HELZ: variants seen among roughly 807,000 people sequenced by gnomAD.
HELZ encodes helicase with zinc finger.
HELZ carries 23 observed loss-of-function variants against 218.2 expected under a neutral mutation model. The ratio of observed to expected loss-of-function variants is 0.11; its 90% confidence interval spans 0.08 to 0.15. The LOEUF (loss-of-function observed/expected upper bound fraction) is 0.15. HELZ is among the 10% of genes least tolerant of loss of function. The pLI is 1.00. For missense variants in HELZ, 1,813 were observed against 2,353.7 expected (o/e 0.77, Z 4.75); for synonymous variants, 814 against 829.4 (o/e 0.98, Z 0.32).
rs1012138084 is a variant in HELZ, at chr17:67,167,446, G to T, written c.1764+17C>A. 3 of 1,570,960 alleles carry T rather than the reference G, an allele frequency of 1.9e-6. No homozygotes were observed. Among genetic ancestry groups the T allele is most frequent in the Non-Finnish European group, 1.7e-6 (2 of 1,143,400 alleles). On this transcript the variant is annotated intron_variant, in intron 14 of 32. Transcript: ENST00000358691. ...GGCTACAGACCACTATGGTTAAGCT[G>T]CAACCTTCAAACATACCTGTGTGTC...
intron 12 of HELZ, among the ~76,000 whole-genome samples, chr17:67,185,322 T>A (rs1598389181): frequency 6.6e-6 from 1 of 152,204 alleles, no homozygotes; most frequent in East Asian, 1.9e-4. Flanking sequence ...AAACACTAAC[T>A]GTAATAGTAC....
In HELZ at chr17:67,076,389, GA is replaced by G. The variant is rs1348273612; in HGVS notation, c.*1862del. 1 of 152,206 alleles carries G rather than the reference GA, an allele frequency of 6.6e-6. No homozygotes were observed. Among genetic ancestry groups the G allele is most frequent in the East Asian group, 1.9e-4 (1 of 5,202 alleles). 9.4% of individuals were successfully genotyped at this position (152,206 alleles called of 1,614,324 possible). A position where few individuals can be genotyped will look rare whatever the true frequency, so the allele number is the denominator to read the frequency against. Reference sequence around the variant, plus strand: ...ATGTGGTGATCTGACATCATACAGAGAAAGAGTGGTGCTGTAACTTGCCGGC... The same window carrying G: ...ATGTGGTGATCTGACATCATACAGAGAAGAGTGGTGCTGTAACTTGCCGGC... On this transcript the variant is annotated 3_prime_UTR_variant, in exon 33 of 33. Transcript: ENST00000358691.
intron 13 of HELZ, chr17:67,173,049 G>T (rs1310615962): frequency 2.0e-6 from 2 of 982,824 alleles, no homozygotes; most frequent in East Asian, 1.1e-4. Context: ...GTTGTGTCTT[G>T]CAACAAAATT....
At chr17:67,158,832 T>C (rs1199496740) in intron 17 of HELZ, among the ~76,000 whole-genome samples, 1 of 152,146 alleles carries the variant, frequency 6.6e-6, no homozygotes, top group African/African-American at 2.4e-5. Flanking sequence ...AAAAATAATT[T>C]TACATGGAAA....
rs1289629714 is a variant in HELZ, at chr17:67,072,833, T to C, written c.*5419A>G. 1 of 152,254 alleles carries C rather than the reference T, an allele frequency of 6.6e-6. No homozygotes were observed. Among genetic ancestry groups the C allele is most frequent in the Non-Finnish European group, 1.5e-5 (1 of 68,050 alleles). 9.4% of individuals were successfully genotyped at this position (152,254 alleles called of 1,614,324 possible). ...AAGACGTTCAGACTCTGAAGGTCTCTGAGACTTTCAAACTGCGAGAATCAG... is the reference window on the plus strand; with the variant it reads ...AAGACGTTCAGACTCTGAAGGTCTCCGAGACTTTCAAACTGCGAGAATCAG... On this transcript the variant is annotated 3_prime_UTR_variant, in exon 33 of 33. Transcript: ENST00000358691.
chr17:67,229,356 C>G (rs1409546336), intron 3 of HELZ, among the ~76,000 whole-genome samples: 1 of 152,090 alleles, frequency 6.6e-6, no homozygotes, highest in East Asian at 1.9e-4. Flanking sequence ...CTCTCTGGAC[C>G]TAAATCCTAC....
In HELZ at chr17:67,157,471, C is replaced by T. The variant is rs193120709; in HGVS notation, c.2177+2790G>A. Among the ~76,000 whole-genome samples, 376 of 152,276 alleles carry T rather than the reference C, an allele frequency of 2.5e-3. 2 individuals carry two copies. The highest frequency in any genetic ancestry group is 3.7e-3 in the Non-Finnish European group (250 of 67,998). ...AACTTTTAAAAGATTTTAAAATATT[C>T]TCTGTACTTTCATTTTGTGCAACAT... On this transcript the variant is annotated intron_variant, in intron 17 of 32. Coordinates refer to ENST00000358691, the MANE Select transcript of HELZ (RefSeq NM_014877.4).
chr17:67,084,524 G>A (rs527675444), intron 32 of HELZ, among the ~76,000 whole-genome samples: 84 of 152,114 alleles, frequency 5.5e-4, no homozygotes, highest in African/African-American at 1.9e-3. Context: ...TTAGCCGGGC[G>A]TGGTGGCGGG....
chr17:67,217,010 C>T (rs553299150), intron 4 of HELZ, among the ~76,000 whole-genome samples: 6 of 152,134 alleles, frequency 3.9e-5, no homozygotes, highest in African/African-American at 1.4e-4. Flanking sequence ...GGTGATTCTA[C>T]GCTGGCTCAA....
intron 31 of HELZ, among the ~76,000 whole-genome samples, 187 bp downstream of exon 31, chr17:67,106,982 A>T (rs777217697): frequency 7.9e-5 from 12 of 152,262 alleles, no homozygotes; most frequent in Non-Finnish European, 1.3e-4. Flanking sequence ...ATGTTTCAAC[A>T]AAAGTGTCCA....
At chr17:67,242,320 G>A (rs545546891) in intron 2 of HELZ, among the ~76,000 whole-genome samples, 5 of 151,568 alleles carry the variant, frequency 3.3e-5, no homozygotes, top group South Asian at 2.1e-4. Flanking sequence ...GCTGAGGCAG[G>A]AGAATTGCTT....
chr17:67,147,516 C>T (rs1406189262), intron 20 of HELZ, among the ~76,000 whole-genome samples: 1 of 152,082 alleles, frequency 6.6e-6, no homozygotes, highest in Non-Finnish European at 1.5e-5. Flanking sequence ...CTTGCTCTGT[C>T]GCCCAGGCTG....
intron 6 of HELZ, 104 bp downstream of exon 6, chr17:67,203,215 G>T: frequency 1.7e-6 from 2 of 1,192,544 alleles, no homozygotes; most frequent in Non-Finnish European, 1.2e-6. Context: ...AATAGAGGAA[G>T]AACTAAAAGA....
intron 32 of HELZ, among the ~76,000 whole-genome samples, chr17:67,084,366 T>TA (rs1168829628): frequency 1.3e-5 from 2 of 151,912 alleles, no homozygotes; most frequent in Non-Finnish European, 2.9e-5. Flanking sequence ...AAACTTAGGT[T>TA]AAAAAAAAGA....
intron 4 of HELZ, among the ~76,000 whole-genome samples, chr17:67,218,267 C>G (rs1358851226): frequency 6.6e-6 from 1 of 152,084 alleles, no homozygotes; most frequent in Admixed American, 6.6e-5. Context: ...TGTTTATTTT[C>G]TGTTCCCCTA....
Position 67,072,138 on chromosome 17 carries a change from C to T in HELZ, c.*6114G>A, listed in dbSNP as rs2035905291. The T allele has an allele frequency of 6.6e-6, 1 of 152,498 alleles. No individual in the cohort carries two copies. The highest frequency in any genetic ancestry group is 1.9e-4 in the East Asian group (1 of 5,196). The allele number at this position is 152,498 out of a possible 1,614,324, so 9.4% of individuals were successfully genotyped here. ...GATCATGAGGTCAAGAGATGGAGAC[C>T]ATCCTGGCCAACACGGTGAAACCCC... On this transcript the variant is annotated 3_prime_UTR_variant, in exon 33 of 33. Coordinates refer to ENST00000358691, the MANE Select transcript of HELZ (RefSeq NM_014877.4).
intron 7 of HELZ, among the ~76,000 whole-genome samples, chr17:67,199,210 C>CTTTTTTTTTT (rs1156398239): frequency 8.1e-6 from 1 of 122,982 alleles, no homozygotes; most frequent in Non-Finnish European, 1.7e-5. Context: ...TTTGCCATTA[C>CTTTTTTTTTT]TTTTTTTTTT....
intron 12 of HELZ, among the ~76,000 whole-genome samples, chr17:67,179,371 T>C (rs958328496): frequency 1.6e-4 from 24 of 152,222 alleles, no homozygotes; most frequent in African/African-American, 5.5e-4. Flanking sequence ...GTTAAATCTT[T>C]TCTTGTGTGA....
intron 23 of HELZ, among the ~76,000 whole-genome samples, chr17:67,133,123 T>A (rs1464978923): frequency 6.6e-6 from 1 of 152,194 alleles, no homozygotes; most frequent in African/African-American, 2.4e-5. Flanking sequence ...ACAATCAACA[T>A]TGCCATGTAA....
Sources: gnomAD v4.1 joint callset for allele counts (sites outside exome capture counted in the v4.1 genomes callset) on GRCh38, gnomAD v4.1.1 for gene constraint, MANE v1.5 for transcripts, NCBI Gene and HGNC (gene_info 2026-07-23, HGNC 2026-07-21) for gene names.